ADGRL3: variants seen among roughly 807,000 people sequenced by gnomAD.
ADGRL3 encodes the protein calcium-independent alpha-latrotoxin receptor 3.
Under a neutral mutation model 153.5 loss-of-function variants are expected in ADGRL3, and 62 were observed. The ratio of observed to expected loss-of-function variants is 0.40; its 90% CI spans 0.33 to 0.50. The LOEUF is 0.50. ADGRL3 is among the 20% of genes least tolerant of loss of function. ADGRL3 has a pLI of 0.47. For synonymous variants in ADGRL3, 710 were observed against 672.5 expected, an observed-to-expected ratio of 1.06 and a Z score of -0.86; for missense variants, 1,641 against 1,859.4, an observed-to-expected ratio of 0.88 and a Z score of 2.16.
chr4:61,890,894 A>C (rs549376711), intron 9 of ADGRL3, among the ~76,000 whole-genome samples: 1 of 152,200 alleles, frequency 6.6e-6, no homozygotes, highest in African/African-American at 2.4e-5. Flanking sequence ...TAAGTTACTC[A>C]ATTTTCTTTA....
chr4:61,800,732 T>G (rs923875262), intron 8 of ADGRL3, among the ~76,000 whole-genome samples: 8 of 152,182 alleles, frequency 5.3e-5, no homozygotes, highest in Non-Finnish European at 1.0e-4. Flanking sequence ...TTAGACTAAA[T>G]TCATTTAGAG....
At chr4:61,816,065 T>C (rs2097685539) in intron 9 of ADGRL3, among the ~76,000 whole-genome samples, 2 of 152,196 alleles carry the variant, frequency 1.3e-5, no homozygotes, top group Admixed American at 1.3e-4. Flanking sequence ...TTAGACACAT[T>C]AATTCATAGT....
intron 17 of ADGRL3, among the ~76,000 whole-genome samples, chr4:61,965,596 A>G (rs2099003524): frequency 6.6e-6 from 1 of 151,830 alleles, no homozygotes; most frequent in Non-Finnish European, 1.5e-5. Context: ...AAAAATACAA[A>G]AAAAATTAGC....
chr4:61,813,430 C>T (rs1003366470), intron 8 of ADGRL3, among the ~76,000 whole-genome samples: 2 of 152,060 alleles, frequency 1.3e-5, no homozygotes, highest in Admixed American at 6.6e-5. Flanking sequence ...GAAATATTTA[C>T]AGCAAATAAA....
chr4:61,327,872 T>C (rs893508160), intron 1 of ADGRL3, among the ~76,000 whole-genome samples: 4 of 152,058 alleles, frequency 2.6e-5, no homozygotes, highest in Non-Finnish European at 4.4e-5. Context: ...TGTTCAGTAG[T>C]TTTAAAGAAA....
chr4:61,843,087 T>C (rs2098057954), intron 9 of ADGRL3, among the ~76,000 whole-genome samples: 1 of 152,108 alleles, frequency 6.6e-6, no homozygotes, highest in Non-Finnish European at 1.5e-5. Flanking sequence ...GATTAAGTCT[T>C]TCAAAATGTG....
chr4:61,635,218 G>A (rs2093363680), intron 5 of ADGRL3, among the ~76,000 whole-genome samples: 1 of 152,080 alleles, frequency 6.6e-6, no homozygotes, highest in Non-Finnish European at 1.5e-5. Context: ...GGGGAAGGAG[G>A]GGAGAAAGAA....
chr4:61,229,484 T>C (rs560177467), intron 1 of ADGRL3, among the ~76,000 whole-genome samples: 3 of 152,186 alleles, frequency 2.0e-5, no homozygotes, highest in African/African-American at 7.2e-5. Flanking sequence ...AATTTTAACG[T>C]AGTATACATC....
At chr4:61,463,630 G>T (rs1043227262) in intron 2 of ADGRL3, among the ~76,000 whole-genome samples, 2 of 152,002 alleles carry the variant, frequency 1.3e-5, no homozygotes, top group Non-Finnish European at 2.9e-5. Flanking sequence ...TGCTAAATGT[G>T]GCAATCCTAC....
intron 19 of ADGRL3, among the ~76,000 whole-genome samples, chr4:61,990,963 TG>T (rs1179241085): frequency 2.3e-5 from 2 of 88,240 alleles, no homozygotes; most frequent in Non-Finnish European, 5.0e-5. Flanking sequence ...TGTGTGTGTG[TG>T]TGTGTGTGTG....
At chr4:62,045,556 A>G (rs1730669727) in intron 25 of ADGRL3, among the ~76,000 whole-genome samples, 2 of 152,162 alleles carry the variant, frequency 1.3e-5, no homozygotes, top group Admixed American at 6.6e-5. Context: ...CTTATGATTC[A>G]GAAAGATTCA....
chr4:61,563,878 C>T (rs752521929), intron 4 of ADGRL3, among the ~76,000 whole-genome samples: 3 of 151,940 alleles, frequency 2.0e-5, no homozygotes, highest in Non-Finnish European at 2.9e-5. Flanking sequence ...CGTGGTGGTG[C>T]GCGCCTGTGA....
chr4:62,038,208 ATTC>A (rs1438734296), intron 24 of ADGRL3, among the ~76,000 whole-genome samples: 9 of 152,174 alleles, frequency 5.9e-5, no homozygotes, highest in African/African-American at 9.7e-5. Flanking sequence ...AATTCTTATA[ATTC>A]TTCTAACTAG....
At chr4:61,705,952 T>G (rs1394332090) in intron 6 of ADGRL3, among the ~76,000 whole-genome samples, 2 of 152,130 alleles carry the variant, frequency 1.3e-5, no homozygotes, top group Non-Finnish European at 2.9e-5. Flanking sequence ...CAGAGTAGAT[T>G]TAATGTAACT....
intron 9 of ADGRL3, among the ~76,000 whole-genome samples, chr4:61,837,164 T>A (rs1581073855): frequency 1.3e-5 from 2 of 152,262 alleles, no homozygotes; most frequent in East Asian, 3.9e-4. Flanking sequence ...ACTACATTTT[T>A]TAGAGTTGGT....
At chr4:61,880,340 A>T (rs947058049) in intron 9 of ADGRL3, among the ~76,000 whole-genome samples, 2 of 152,216 alleles carry the variant, frequency 1.3e-5, no homozygotes, top group Admixed American at 6.5e-5. Context: ...GAGACACTAG[A>T]TCTATAATTT....
At chr4:61,889,141 C>T (rs991646052) in intron 9 of ADGRL3, among the ~76,000 whole-genome samples, 5 of 152,296 alleles carry the variant, frequency 3.3e-5, no homozygotes, top group Middle Eastern at 3.4e-3. Flanking sequence ...GGGCACAATA[C>T]TAAAAGCTAA....
intron 8 of ADGRL3, among the ~76,000 whole-genome samples, chr4:61,753,615 T>A (rs1237813090): frequency 1.3e-5 from 2 of 152,196 alleles, no homozygotes; most frequent in Non-Finnish European, 2.9e-5. Context: ...GATGCTAGAA[T>A]TGAGCATGAT....
At chr4:61,755,357 C>A (rs529930417) in intron 8 of ADGRL3, among the ~76,000 whole-genome samples, 52 of 152,270 alleles carry the variant, frequency 3.4e-4, no homozygotes, top group South Asian at 3.1e-3. Flanking sequence ...ATTTGCATTT[C>A]TCTGATGGCC....
Sources: allele counts gnomAD v4.1 joint callset (sites outside exome capture counted in the v4.1 genomes callset), GRCh38; gene constraint gnomAD v4.1.1; transcripts MANE v1.5; gene names NCBI Gene and HGNC (gene_info 2026-07-23, HGNC 2026-07-21).